MUC20: variants seen among roughly 807,000 people sequenced by gnomAD.
The protein encoded by MUC20 is mucin 20, cell surface associated, also known as mucin-20.
MUC20 carries 14 observed loss-of-function variants against 23.8 expected under a neutral mutation model. The ratio of observed to expected loss-of-function variants is 0.59; its 90% confidence interval spans 0.39 to 0.92. The LOEUF (loss-of-function observed/expected upper bound fraction) is 0.92, where lower values mean the gene tolerates loss of function less well. Ranked by LOEUF, MUC20 falls within the 40% of genes least tolerant of loss-of-function variation. The pLI, the probability that MUC20 is intolerant of heterozygous loss-of-function variation, is 0.00. For synonymous variants in MUC20, 166 were observed against 279.3 expected (o/e 0.59, Z 4.04); for missense variants, 375 against 668.8 (o/e 0.56, Z 4.85).
At chr3:195,732,290 TTGAGTCA>T (rs1488567797) in intron 3 of MUC20, among the ~76,000 whole-genome samples, 1 of 152,228 alleles carries the variant, frequency 6.6e-6, no homozygotes, top group Non-Finnish European at 1.5e-5. Context: ...ATTACAGGCG[TTGAGTCA>T]TTGCGTCCGG....
At position 195,729,879 on chromosome 3, in the gene MUC20, A is replaced by G. The variant is rs1478423362; in HGVS notation, c.2061+140A>G. On this transcript the variant is annotated intron_variant, in intron 3 of 3. Coordinates refer to ENST00000447234, the MANE Select transcript of MUC20 (RefSeq NM_001282506.2). ...GTTTCTTACGGAGAATTGGGAGCTG[A>G]ATCTGAGGATCTCTGCCTGGCTTTG... is the stretch of plus-strand genomic sequence containing the variant. The G allele has an allele frequency of 7.3e-6, 6 of 816,800 alleles. No individual in the cohort carries two copies. The African/African-American group carries it at 1.0e-4, about 14-fold the overall frequency. The allele number at this position is 816,800 out of a possible 1,614,324, so 50.6% of individuals were successfully genotyped here. A position where few individuals can be genotyped will look rare whatever the true frequency, so the allele number is the denominator to read the frequency against.
Position 195,721,048 on chromosome 3 carries a change from T to G in MUC20, c.41T>G (p.Phe14Cys). 1.9e-6 allele frequency: 3 copies of G among 1,589,106 alleles called. No homozygotes were observed. Among genetic ancestry groups the G allele is most frequent in the Non-Finnish European group, 2.6e-6 (3 of 1,167,082 alleles). ...LWGLALPLFF[F>C]CWEVGVSGSS... Reference sequence around the variant, plus strand: ...GGTCTGGCTCTGCCCCTTTTCTTCTTCTGCTGGGAGGTTGGGGTCTCTGGG... The same window carrying G: ...GGTCTGGCTCTGCCCCTTTTCTTCTGCTGCTGGGAGGTTGGGGTCTCTGGG... The change falls in exon 1 of 4, where the codon TTC becomes TGC. Residue 14 changes from phenylalanine to cysteine, a missense_variant. Phe to Cys is a radical substitution (Grantham distance 205). Around this residue, in one of 4 missense-constraint regions of MUC20, gnomAD observed 7 missense variants for 24.8 expected, o/e 0.28. Coordinates refer to ENST00000447234, the MANE Select transcript of MUC20 (RefSeq NM_001282506.2).
chr3:195,724,336 C>T lies in MUC20; in HGVS notation c.77-344C>T, dbSNP rs537195909. On this transcript the variant is annotated intron_variant, in intron 1 of 3. Coordinates refer to ENST00000447234, the MANE Select transcript of MUC20 (RefSeq NM_001282506.2). ...TTCAGAAAGCTCTGCGAGTCCTGGACGCTGGTCTGCCTTCTTGGCTCACCC... is the reference window on the plus strand; with the variant it reads ...TTCAGAAAGCTCTGCGAGTCCTGGATGCTGGTCTGCCTTCTTGGCTCACCC... 9.7e-3 allele frequency: 3,504 copies of T among 359,570 alleles called. 860 individuals carry two copies. The African/African-American group carries it at 0.13, about 13-fold the overall frequency. The allele number at this position is 359,570 out of a possible 1,614,324, so 22.3% of individuals were successfully genotyped here.
intron 3 of MUC20, among the ~76,000 whole-genome samples, chr3:195,732,370 T>C (rs13065589): frequency 0.15 from 22,486 of 149,286 alleles, 2 homozygotes; most frequent in Middle Eastern, 0.21. Flanking sequence ...TTTTCTTTTA[T>C]TTTTCTTGAG....
At chr3:195,728,131 G>C (rs1349597779) in intron 2 of MUC20, among the ~76,000 whole-genome samples, 2 of 151,956 alleles carry the variant, frequency 1.3e-5, no homozygotes, top group Non-Finnish European at 2.9e-5. Context: ...ACACCTGTGG[G>C]TATTTCTAGT....
At chr3:195,721,213 C>T (rs55651346) in intron 1 of MUC20, 130 bp downstream of exon 1, 14,583 of 1,196,664 alleles carry the variant, frequency 0.012, 14 homozygotes, top group South Asian at 0.023. Flanking sequence ...CACAGTGCTA[C>T]TTGTGAAGTG....
chr3:195,733,184 T>G lies in MUC20; in HGVS notation c.2096T>G (p.Phe699Cys). Residue 699 changes from phenylalanine (F) to cysteine (C), a missense_variant, in exon 4 of 4, where the codon TTC becomes TGC. This residue lies in a region of MUC20 where 343 missense variants were observed against 340.2 expected (regional missense o/e 1.01). Coordinates refer to ENST00000447234, the MANE Select transcript of MUC20 (RefSeq NM_001282506.2). ...GAACTCCACGCCCACGCGCCTCACTTCCAGGTCTCCTTACTGCGTGTCAGG... is the reference window on the plus strand; with the variant it reads ...GAACTCCACGCCCACGCGCCTCACTGCCAGGTCTCCTTACTGCGTGTCAGG... Reference protein sequence around the residue: ...HRELHAHAPHFQVSLLRVRRG With the variant: ...HRELHAHAPHCQVSLLRVRRG 1 of 1,595,714 alleles carries G rather than the reference T, an allele frequency of 6.3e-7. No individual in the cohort carries two copies. The highest frequency in any genetic ancestry group is 8.5e-7 in the Non-Finnish European group (1 of 1,172,058).
intron 2 of MUC20, 91 bp from the exon 3 acceptor site, chr3:195,729,557 C>G: frequency 2.5e-6 from 3 of 1,216,156 alleles, no homozygotes; most frequent in Admixed American, 2.0e-5. Flanking sequence ...CTCAGGTGAT[C>G]CACCTGCCTC....
At chr3:195,728,482 A>C (rs115513036) in intron 2 of MUC20, among the ~76,000 whole-genome samples, 1,183 of 151,968 alleles carry the variant, frequency 7.8e-3, no homozygotes, top group African/African-American at 0.027. Flanking sequence ...AAGAATAATA[A>C]AGCAGCATTG....
chr3:195,730,473 G>A (rs1210597118), intron 3 of MUC20, among the ~76,000 whole-genome samples: 1 of 152,120 alleles, frequency 6.6e-6, no homozygotes, highest in South Asian at 2.1e-4. Context: ...AGCCTCCCAA[G>A]TAGCTGGGAC....
At chr3:195,732,452 C>T (rs995780859) in intron 3 of MUC20, among the ~76,000 whole-genome samples, 5 of 152,178 alleles carry the variant, frequency 3.3e-5, no homozygotes, top group African/African-American at 9.6e-5. Context: ...CTCCACCTCC[C>T]GGATTCAAGC....
At chr3:195,730,817 C>A (rs995976383) in intron 3 of MUC20, among the ~76,000 whole-genome samples, 2 of 152,206 alleles carry the variant, frequency 1.3e-5, no homozygotes, top group Non-Finnish European at 2.9e-5. Context: ...TAGATGAGGA[C>A]CATGATTGGG....
chr3:195,732,687 A>T (rs901497399), intron 3 of MUC20, among the ~76,000 whole-genome samples: 2 of 152,248 alleles, frequency 1.3e-5, no homozygotes, highest in African/African-American at 4.8e-5. Flanking sequence ...TCTCAGGTCT[A>T]AGCCCCCAAA....
rs1439749568 is a variant in MUC20, at chr3:195,726,404, C to T, written c.1801C>T (p.Pro601Ser). ...TMDIATKGPF[P>S]TSRDPLPSVP... is the part of the protein sequence containing the mutation. ...GGACATCGCAACCAAGGGGCCCTTC[C>T]CCACCAGCAGGGACCCTCTTCCTTC... is the stretch of plus-strand genomic sequence containing the variant. The change falls in exon 2 of 4, where the codon CCC (proline) becomes TCC (serine). Residue 601 changes from proline (P) to serine (S), a missense_variant. Around this residue, in one of 4 missense-constraint regions of MUC20, gnomAD observed 343 missense variants for 340.2 expected, o/e 1.01. Transcript: ENST00000447234. The T allele has an allele frequency of 1.9e-6, 3 of 1,614,090 alleles. No individual in the cohort carries two copies. The Admixed American group carries it at 5.0e-5, about 27-fold the overall frequency.
chr3:195,723,190 G>A (rs1712326182), intron 1 of MUC20, among the ~76,000 whole-genome samples: 2 of 150,322 alleles, frequency 1.3e-5, no homozygotes, highest in Admixed American at 6.6e-5. Context: ...GCGGCACAGC[G>A]GGAGCTGCAA....
At chr3:195,727,456 C>T (rs1456298252) in intron 2 of MUC20, among the ~76,000 whole-genome samples, 1 of 152,278 alleles carries the variant, frequency 6.6e-6, no homozygotes, top group African/African-American at 2.4e-5. Flanking sequence ...AGGGACTTCT[C>T]AGGGGAGAAG....
chr3:195,729,558 C>CA (rs1488101102), intron 2 of MUC20, 90 bp from the exon 3 acceptor site: 73 of 1,235,008 alleles, frequency 5.9e-5, no homozygotes, highest in Non-Finnish European at 7.2e-5. Flanking sequence ...TCAGGTGATC[C>CA]ACCTGCCTCT....
intron 3 of MUC20, 130 bp downstream of exon 3, chr3:195,729,869 T>C (rs1713186499): frequency 2.2e-6 from 2 of 904,352 alleles, no homozygotes; most frequent in Non-Finnish European, 3.4e-6. Context: ...TTACGGAGAA[T>C]TGGGAGCTGA....
chr3:195,722,783 C>G (rs1219055797), intron 1 of MUC20: 2 of 985,422 alleles, frequency 2.0e-6, no homozygotes, highest in Non-Finnish European at 2.4e-6. Context: ...GGAGAAGAAA[C>G]TGTATTATGA....
Sources: allele counts gnomAD v4.1 joint callset (sites outside exome capture counted in the v4.1 genomes callset), GRCh38; gene constraint gnomAD v4.1.1; regional missense constraint gnomAD v4.1.1; transcripts MANE v1.5; gene names NCBI Gene and HGNC (gene_info 2026-07-23, HGNC 2026-07-21).